KLF13: variants seen among roughly 807,000 people sequenced by gnomAD.
KLF13 encodes KLF transcription factor 13, also known as Krueppel-like factor 13.
Under a neutral mutation model 16.7 loss-of-function variants are expected in KLF13, and 8 were observed. The ratio of observed to expected loss-of-function variants is 0.48; its 90% CI spans 0.28 to 0.87. KLF13 has a LOEUF of 0.87. Among genes scored for constraint, KLF13 ranks in the 40% least tolerant of loss-of-function variants. The probability of loss-of-function intolerance (pLI) is 0.10; values close to 1 mark genes in which losing one functional copy is unlikely to be tolerated. For synonymous variants in KLF13, 245 were observed against 208.4 expected, an observed-to-expected ratio of 1.18 and a Z score of -1.51; for missense variants, 447 against 452.2, an observed-to-expected ratio of 0.99 and a Z score of 0.10.
rs1050639168 is a variant in KLF13, at chr15:31,411,024, G to T, written n.117+17333G>T. On this transcript the variant is annotated intron_variant and non_coding_transcript_variant, in intron 1 of 1. Coordinates refer to the KLF13 transcript ENST00000558225. ...AAAGAAATTAGAAATTGATTTTATG[G>T]TTAAAAGCTTTCTATATAGAGAATG... 4.6e-5 allele frequency among the ~76,000 whole-genome samples: 7 copies of T among 152,280 alleles called. No homozygotes were observed. The South Asian group carries it at 8.3e-4, about 18-fold the overall frequency.
rs1041713879 is a variant in KLF13, at chr15:31,352,724, C to A, written c.578-19286C>A. On this transcript the variant is annotated intron_variant, in intron 1 of 1. Coordinates refer to ENST00000307145, the MANE Select transcript of KLF13 (RefSeq NM_015995.4). ...TTATGACCACTGGGCTGATTTATTTCTTCTGACATTTGCAAGCTGTTAGGT... is the reference window on the plus strand; with the variant it reads ...TTATGACCACTGGGCTGATTTATTTATTCTGACATTTGCAAGCTGTTAGGT... Among the ~76,000 whole-genome samples the A allele has an allele frequency of 6.6e-5, 10 of 152,200 alleles. 1 individual carries two copies. In the South Asian group the frequency reaches 8.3e-4, roughly 13 times the overall value.
At chr15:31,351,610 C>T (rs1199803760) in intron 1 of KLF13, among the ~76,000 whole-genome samples, 4 of 152,200 alleles carry the variant, frequency 2.6e-5, no homozygotes, top group Non-Finnish European at 5.9e-5. Context: ...GGGCAGGTTG[C>T]TTCTTTTCAG....
downstream of KLF13, among the ~76,000 whole-genome samples, chr15:31,409,057 T>A (rs1281700176): frequency 6.6e-6 from 1 of 152,014 alleles, no homozygotes; most frequent in African/African-American, 2.4e-5. Context: ...GCCTGAGGTG[T>A]GTGGATCACC....
In KLF13 at chr15:31,377,487, C is replaced by T. The variant is rs191828631; in HGVS notation, c.*5188C>T. On this transcript the variant is annotated 3_prime_UTR_variant, in exon 2 of 2. Coordinates refer to ENST00000307145, the MANE Select transcript of KLF13 (RefSeq NM_015995.4). ...GTGCATGCTTCCGGGTCTCAGCTGC[C>T]CCAGGCCCGCACAGGCAACCCCTTC... The T allele has an allele frequency of 6.5e-6, 1 of 152,774 alleles. No individual in the cohort carries two copies. Among genetic ancestry groups the T allele is most frequent in the East Asian group, 1.9e-4 (1 of 5,192 alleles). The allele number at this position is 152,774 out of a possible 1,614,324, so 9.5% of individuals were successfully genotyped here. A position where few individuals can be genotyped will look rare whatever the true frequency, so the allele number is the denominator to read the frequency against.
At chr15:31,399,558 CA>C (rs1243545486) in intron 2 of KLF13, among the ~76,000 whole-genome samples, 4 of 152,248 alleles carry the variant, frequency 2.6e-5, no homozygotes, top group African/African-American at 4.8e-5. Context: ...GATTCCTTGA[CA>C]CCCACTGCTC....
rs192988738 is a variant in KLF13 at position 31,342,499 on chromosome 15, C to T, written c.577+14710C>T. Among the ~76,000 whole-genome samples, 77 of 152,336 alleles carry T rather than the reference C, an allele frequency of 5.1e-4. 1 individual carries two copies. The East Asian group carries it at 0.014, about 28-fold the overall frequency. On this transcript the variant is annotated intron_variant, in intron 1 of 1. Coordinates refer to ENST00000307145, the MANE Select transcript of KLF13 (RefSeq NM_015995.4). ...CAGCAAAACTTGCCTCACTGGATCG[C>T]TTCATAACAGCTCCTTCAAGTGGGG...
At position 31,374,135 on chromosome 15, in the gene KLF13, T is replaced by C. The variant is rs2039604755; in HGVS notation, c.*1836T>C. 6.5e-6 allele frequency: 1 copy of C among 152,694 alleles called. No homozygotes were observed. Among genetic ancestry groups the C allele is most frequent in the Non-Finnish European group, 1.5e-5 (1 of 68,124 alleles). 9.5% of individuals were successfully genotyped at this position (152,694 alleles called of 1,614,324 possible). ...CACAGCTGATGGTCACTGTTTTGGCTGGCTCCAGAGTGGACAGGTACGCTC... is the reference window on the plus strand; with the variant it reads ...CACAGCTGATGGTCACTGTTTTGGCCGGCTCCAGAGTGGACAGGTACGCTC... On this transcript the variant is annotated 3_prime_UTR_variant, in exon 2 of 2. Coordinates refer to ENST00000307145, the MANE Select transcript of KLF13 (RefSeq NM_015995.4).
At chr15:31,370,491 T>C (rs2039541798) in intron 1 of KLF13, among the ~76,000 whole-genome samples, 1 of 151,848 alleles carries the variant, frequency 6.6e-6, no homozygotes, top group Non-Finnish European at 1.5e-5. Flanking sequence ...CAATCTTGAC[T>C]CACTGCAACC....
chr15:31,386,752 T>C (rs529571530), intron 1 of KLF13, among the ~76,000 whole-genome samples: 1 of 152,372 alleles, frequency 6.6e-6, no homozygotes, highest in African/African-American at 2.4e-5. Context: ...GCTGGCTCTC[T>C]TGTTAAAGGC....
chr15:31,423,132 CGT>C (rs2040355943), intron 1 of KLF13, among the ~76,000 whole-genome samples: 1 of 50,828 alleles, frequency 2.0e-5, no homozygotes, highest in African/African-American at 1.0e-4. Context: ...CGTATATATA[CGT>C]ATACGTATAC....
intron 1 of KLF13, among the ~76,000 whole-genome samples, chr15:31,350,194 A>T (rs2039194420): frequency 6.6e-6 from 1 of 152,250 alleles, no homozygotes; most frequent in South Asian, 2.1e-4. Flanking sequence ...GGTCTGCCGC[A>T]GTTATGGTAG....
chr15:31,384,318 G>A (rs922640516), intron 1 of KLF13, among the ~76,000 whole-genome samples: 1 of 152,024 alleles, frequency 6.6e-6, no homozygotes, highest in African/African-American at 2.4e-5. Flanking sequence ...TGTAATCCCA[G>A]CTACTCAGGA....
chr15:31,369,029 G>A (rs1030376510), intron 1 of KLF13, among the ~76,000 whole-genome samples: 2 of 152,114 alleles, frequency 1.3e-5, no homozygotes, highest in South Asian at 2.1e-4. Context: ...GATATTTTCT[G>A]TTATCCTCCT....
chr15:31,329,915 A>G (rs1280495186), intron 1 of KLF13, among the ~76,000 whole-genome samples: 2 of 152,176 alleles, frequency 1.3e-5, no homozygotes, highest in Non-Finnish European at 2.9e-5. Context: ...ATGCCGACCT[A>G]GTACACACAG....
At chr15:31,354,810 C>T (rs11633384) in intron 1 of KLF13, among the ~76,000 whole-genome samples, 1 of 152,148 alleles carries the variant, frequency 6.6e-6, no homozygotes, top group African/African-American at 2.4e-5. Flanking sequence ...CCACCACCGT[C>T]CTCTCCAGTT....
chr15:31,331,171 C>T (rs1367435940), intron 1 of KLF13, among the ~76,000 whole-genome samples: 2 of 152,216 alleles, frequency 1.3e-5, no homozygotes, highest in African/African-American at 4.8e-5. Context: ...TTCCCTCCAG[C>T]GCTGGAGTCA....
chr15:31,339,486 G>A (rs1463528335), intron 1 of KLF13, among the ~76,000 whole-genome samples: 1 of 152,160 alleles, frequency 6.6e-6, no homozygotes. Context: ...CACGATCCAG[G>A]GACCAGGCAT....
intron 1 of KLF13, among the ~76,000 whole-genome samples, chr15:31,412,322 A>G (rs556137336): frequency 2.5e-4 from 38 of 152,346 alleles, no homozygotes; most frequent in African/African-American, 6.7e-4. Flanking sequence ...TATCTGGTCT[A>G]TGGTAATTTG....
chr15:31,357,454 G>A (rs2039317347), intron 1 of KLF13, among the ~76,000 whole-genome samples: 1 of 152,258 alleles, frequency 6.6e-6, no homozygotes, highest in South Asian at 2.1e-4. Context: ...CAGGCTCAGC[G>A]ACGGTGGCCT....
Sources: allele counts gnomAD v4.1 joint callset (sites outside exome capture counted in the v4.1 genomes callset), GRCh38; gene constraint gnomAD v4.1.1; transcripts MANE v1.5; gene names NCBI Gene and HGNC (gene_info 2026-07-23, HGNC 2026-07-21).